CLOCK: variants seen among roughly 807,000 people sequenced by gnomAD.
CLOCK encodes the protein circadian locomoter output cycles protein kaput.
Under a neutral mutation model 118.4 loss-of-function variants are expected in CLOCK, and 43 were observed. That is an observed-to-expected ratio of 0.36 (90% CI 0.28 to 0.47). The LOEUF (loss-of-function observed/expected upper bound fraction) is 0.47, where lower values mean the gene tolerates loss of function less well. Among genes scored for constraint, CLOCK ranks in the 20% least tolerant of loss-of-function variants. CLOCK has a pLI of 1.00. For missense variants in CLOCK, 846 were observed against 999.9 expected (o/e 0.85, Z 2.08); for synonymous variants, 326 against 339.2 (o/e 0.96, Z 0.43).
At chr4:55,514,864 G>A (rs1453194309) in intron 1 of CLOCK, among the ~76,000 whole-genome samples, 1 of 152,098 alleles carries the variant, frequency 6.6e-6, no homozygotes, top group East Asian at 1.9e-4. Flanking sequence ...ATCTTTGTCT[G>A]GTTTTAGGAT....
intron 2 of CLOCK, among the ~76,000 whole-genome samples, chr4:55,495,796 G>A (rs528928316): frequency 1.1e-4 from 17 of 152,074 alleles, no homozygotes; most frequent in Admixed American, 2.6e-4. Flanking sequence ...AAGACCCTCC[G>A]TATCCTCAAT....
In CLOCK at chr4:55,504,648, A is replaced by C. The variant is rs555518200; in HGVS notation, c.-136+5264T>G. ...ACATATTAAAGTACAGGATCAATAA[A>C]AACTTAGTAAATTGTACTCAAGAAT... On this transcript the variant is annotated intron_variant, in intron 2 of 22. Coordinates refer to ENST00000513440, the MANE Select transcript of CLOCK (RefSeq NM_004898.4). 3.3e-5 allele frequency among the ~76,000 whole-genome samples: 5 copies of C among 152,300 alleles called. No homozygotes were observed. In the South Asian group the frequency reaches 1.0e-3, roughly 32 times the overall value.
intron 8 of CLOCK, among the ~76,000 whole-genome samples, chr4:55,469,156 G>A (rs568391343): frequency 2.7e-5 from 4 of 149,258 alleles, no homozygotes; most frequent in African/African-American, 7.4e-5. Flanking sequence ...ATGGAGTTTC[G>A]CTCTTGTTGC....
chr4:55,456,325 T>G, intron 11 of CLOCK, 25 bp from the exon 12 acceptor site: 1 of 1,398,820 alleles, frequency 7.1e-7, no homozygotes, highest in Middle Eastern at 1.9e-4. Flanking sequence ...TTAAAATTTA[T>G]AAATACTTTG....
chr4:55,513,166 T>C (rs773760503), intron 1 of CLOCK, among the ~76,000 whole-genome samples: 8 of 152,172 alleles, frequency 5.3e-5, no homozygotes, highest in Non-Finnish European at 1.0e-4. Context: ...GTAAGTACTC[T>C]ATATAAAGTA....
intron 1 of CLOCK, among the ~76,000 whole-genome samples, chr4:55,525,271 G>A (rs1426159709): frequency 2.6e-5 from 4 of 152,126 alleles, no homozygotes; most frequent in Non-Finnish European, 5.9e-5. Flanking sequence ...TTGGGAGTTC[G>A]AGACCAGCTT....
rs528319720 is a variant in CLOCK, at chr4:55,502,580, T to C, written c.-136+7332A>G. The stretch of plus-strand genomic sequence containing the variant: ...GCAATAGTTGTAACAGTCAAGTTTA[T>C]AGAAGAAAACATAGATAACATCTTC... On this transcript the variant is annotated intron_variant, in intron 2 of 22. Transcript: ENST00000513440. 2.3e-3 allele frequency among the ~76,000 whole-genome samples: 345 copies of C among 152,300 alleles called. No individual in the cohort carries two copies. In the Middle Eastern group the frequency reaches 0.024, roughly 11 times the overall value.
At chr4:55,532,261 GT>G (rs770901621) in intron 1 of CLOCK, among the ~76,000 whole-genome samples, 4 of 152,178 alleles carry the variant, frequency 2.6e-5, no homozygotes, top group Non-Finnish European at 2.9e-5. Flanking sequence ...TTAGGAGCAA[GT>G]CGAGGATGCC....
intron 1 of CLOCK, among the ~76,000 whole-genome samples, chr4:55,535,365 A>T (rs1023506023): frequency 6.6e-6 from 1 of 152,148 alleles, no homozygotes; most frequent in Admixed American, 6.6e-5. Flanking sequence ...TACCTAAAGA[A>T]CACTACATAA....
chr4:55,468,266 ATTATAAGAGTAGT>A (rs1210143577), intron 8 of CLOCK, among the ~76,000 whole-genome samples: 4 of 152,160 alleles, frequency 2.6e-5, no homozygotes, highest in African/African-American at 7.2e-5. Flanking sequence ...AGAGAGAGGC[ATTATAAGAGTAGT>A]TTATAAGTAA....
intron 9 of CLOCK, among the ~76,000 whole-genome samples, chr4:55,462,841 G>A (rs4371676): frequency 0.72 from 108,610 of 151,616 alleles, 39,463 homozygotes; most frequent in African/African-American, 0.83. Context: ...GATACACACA[G>A]ATTTGTGTGA....
intron 1 of CLOCK, among the ~76,000 whole-genome samples, chr4:55,510,438 C>A (rs1302165035): frequency 6.6e-6 from 1 of 151,906 alleles, no homozygotes; most frequent in African/African-American, 2.4e-5. Flanking sequence ...ATCAGCCTGG[C>A]CAACATGGTG....
At position 55,482,797 on chromosome 4, in the gene CLOCK, T is replaced by G; in HGVS notation, c.-12A>C. Reference sequence around the variant, plus strand: ...ACGGTAAACAACATAACATACTACGTTTTCGTCTTGTAGTAGACATTTGTA... The same window carrying G: ...ACGGTAAACAACATAACATACTACGGTTTCGTCTTGTAGTAGACATTTGTA... On this transcript the variant is annotated 5_prime_UTR_variant, in exon 4 of 23. Transcript: ENST00000513440. The G allele has an allele frequency of 6.2e-7, 1 of 1,605,288 alleles. No homozygotes were observed. The highest frequency in any genetic ancestry group is 8.5e-7 in the Non-Finnish European group (1 of 1,174,326).
At chr4:55,459,294 T>G in intron 9 of CLOCK, 33 bp from the exon 10 acceptor site, 1 of 1,278,188 alleles carries the variant, frequency 7.8e-7, no homozygotes, top group Middle Eastern at 2.3e-4. Context: ...AATCACATAT[T>G]TCTGATATAA....
chr4:55,452,543 T>C (rs2109766211), intron 15 of CLOCK: 1 of 155,836 alleles, frequency 6.4e-6, no homozygotes, highest in Middle Eastern at 3.4e-3. Flanking sequence ...AACAAGTGTG[T>C]TGTTTTATAT....
At chr4:55,489,260 AT>A (rs1272717922) in intron 3 of CLOCK, 113 bp downstream of exon 3, 1 of 152,218 alleles carries the variant, frequency 6.6e-6, no homozygotes, top group Non-Finnish European at 1.5e-5. Context: ...ACACACAAAA[AT>A]TTTTTTAAAT....
chr4:55,514,404 T>C (rs1729354369), intron 1 of CLOCK, among the ~76,000 whole-genome samples: 1 of 152,128 alleles, frequency 6.6e-6, no homozygotes, highest in African/African-American at 2.4e-5. Flanking sequence ...TCACATACTA[T>C]AACACTCACC....
At chr4:55,542,839 G>GGA (rs1358892316) in intron 1 of CLOCK, among the ~76,000 whole-genome samples, 1 of 151,694 alleles carries the variant, frequency 6.6e-6, no homozygotes, top group East Asian at 1.9e-4. Flanking sequence ...AAGTACAGAA[G>GGA]GAAAAAAAAT....
chr4:55,438,380 GC>G lies in CLOCK; in HGVS notation c.2262del (p.Gln755SerfsTer24). The G allele has an allele frequency of 1.2e-6, 2 of 1,613,538 alleles. No individual in the cohort carries two copies. The highest frequency in any genetic ancestry group is 1.7e-6 in the Non-Finnish European group (2 of 1,179,636). ...QQQQSQTLSV[T>X]QQQQQQSSQE... Reference sequence around the variant, plus strand: ...TGGGAGCTCTGCTGCTGCTGCTGCTGCGTTACTGACAATGTCTGTGACTGTT... The same window carrying G: ...TGGGAGCTCTGCTGCTGCTGCTGCTGGTTACTGACAATGTCTGTGACTGTT... On this transcript the variant is annotated frameshift_variant, in exon 22 of 23. Transcript: ENST00000513440. LOFTEE classifies it high-confidence loss of function.
Sources: gnomAD v4.1 joint callset for allele counts (sites outside exome capture counted in the v4.1 genomes callset) on GRCh38, gnomAD v4.1.1 for gene constraint, MANE v1.5 for transcripts, NCBI Gene and HGNC (gene_info 2026-07-23, HGNC 2026-07-21) for gene names.